TMCO5A: variants seen among roughly 807,000 people sequenced by gnomAD.
TMCO5A encodes transmembrane and coiled-coil domains 5A.
A neutral mutation model predicts 42.3 loss-of-function variants in TMCO5A; 34 were observed. The ratio of observed to expected loss-of-function variants is 0.80; its 90% CI spans 0.61 to 1.07. The LOEUF (loss-of-function observed/expected upper bound fraction) is 1.07, where lower values mean the gene tolerates loss of function less well. Ranked by LOEUF, TMCO5A falls within the 50% of genes least tolerant of loss-of-function variation. The probability of loss-of-function intolerance (pLI) is 0.00; values close to 1 mark genes in which losing one functional copy is unlikely to be tolerated. For synonymous variants in TMCO5A, 131 were observed against 115.6 expected (o/e 1.13, Z -0.86); for missense variants, 357 against 327.9 (o/e 1.09, Z -0.69).
chr15:37,937,276 G>C, intron 4 of TMCO5A, 70 bp from the exon 5 acceptor site: 1 of 1,549,018 alleles, frequency 6.5e-7, no homozygotes, highest in Non-Finnish European at 8.9e-7. Context: ...GGGTGAAATG[G>C]ACAGCAATCA....
intron 11 of TMCO5A, among the ~76,000 whole-genome samples, chr15:37,959,823 G>A (rs1890377599): frequency 6.6e-6 from 1 of 151,812 alleles, no homozygotes; most frequent in Non-Finnish European, 1.5e-5. Context: ...GGACATCCTA[G>A]CTAGAGCAAT....
chr15:37,939,526 G>C (rs892733801), intron 6 of TMCO5A, among the ~76,000 whole-genome samples: 7 of 152,032 alleles, frequency 4.6e-5, no homozygotes, highest in African/African-American at 1.4e-4. Context: ...AGCCAGAATT[G>C]AGTGGTGACA....
At chr15:37,975,149 T>C in the TMCO5A span, among the ~76,000 whole-genome samples, 1 of 152,228 alleles carries the variant, frequency 6.6e-6, no homozygotes, top group Admixed American at 6.5e-5. Flanking sequence ...AAGGATTGTT[T>C]TATGGCCAAT....
At chr15:38,012,126 A>AAAAAAAAAAAAG in the TMCO5A span, among the ~76,000 whole-genome samples, 71 of 150,484 alleles carry the variant, frequency 4.7e-4, no homozygotes, top group Middle Eastern at 3.4e-3. Flanking sequence ...TCCGTCTCAA[A>AAAAAAAAAAAAG]AAAAAAAGAA....
At chr15:37,962,083 G>C (rs1890442936) in intron 11 of TMCO5A, among the ~76,000 whole-genome samples, 1 of 152,050 alleles carries the variant, frequency 6.6e-6, no homozygotes, top group Admixed American at 6.6e-5. Context: ...ATGTTGAAGA[G>C]GAGTAGTGAG....
chr15:38,002,852 T>C, the TMCO5A span, among the ~76,000 whole-genome samples: 5 of 152,188 alleles, frequency 3.3e-5, no homozygotes, highest in African/African-American at 1.2e-4. Context: ...TTGGTACTGG[T>C]CACAGGTGCT....
At chr15:38,009,377 C>G in the TMCO5A span, among the ~76,000 whole-genome samples, 56,719 of 152,096 alleles carry the variant, frequency 0.37, 11,862 homozygotes, top group Middle Eastern at 0.51. Flanking sequence ...ACCTTCAACA[C>G]CAGAGATTGG....
At chr15:37,939,882 G>C (rs914124782) in intron 6 of TMCO5A, among the ~76,000 whole-genome samples, 1 of 152,018 alleles carries the variant, frequency 6.6e-6, no homozygotes, top group Non-Finnish European at 1.5e-5. Context: ...TGACTGAAGA[G>C]TGAACCAACT....
the TMCO5A span, among the ~76,000 whole-genome samples, chr15:37,977,450 T>A: frequency 6.6e-6 from 1 of 152,240 alleles, no homozygotes; most frequent in Non-Finnish European, 1.5e-5. Context: ...TGAATTCTTG[T>A]CCTTGGTTTC....
chr15:37,984,191 C>CT, the TMCO5A span, among the ~76,000 whole-genome samples: 5 of 148,928 alleles, frequency 3.4e-5, no homozygotes, highest in Non-Finnish European at 7.4e-5. Context: ...ATACATGAAG[C>CT]TTTTTTTAGC....
downstream of TMCO5A, among the ~76,000 whole-genome samples, chr15:37,970,617 A>G (rs879661109): frequency 6.6e-6 from 1 of 152,234 alleles, no homozygotes; most frequent in Non-Finnish European, 1.5e-5. Flanking sequence ...GGAGACAAGG[A>G]AAGTCCCTTC....
At chr15:37,983,830 T>G in the TMCO5A span, among the ~76,000 whole-genome samples, 1 of 151,956 alleles carries the variant, frequency 6.6e-6, no homozygotes, top group Non-Finnish European at 1.5e-5. Flanking sequence ...ATTCAAGTGA[T>G]TCTCCTGCCT....
the TMCO5A span, among the ~76,000 whole-genome samples, chr15:37,986,010 G>C: frequency 6.6e-6 from 1 of 151,958 alleles, no homozygotes; most frequent in African/African-American, 2.4e-5. Flanking sequence ...TTGAAAATCT[G>C]TAGAATTTTG....
At chr15:37,951,443 G>A (rs981590512), downstream of TMCO5A, 22 of 547,914 alleles carry the variant, frequency 4.0e-5, no homozygotes, top group Admixed American at 6.8e-5. Context: ...TCTGTGGATC[G>A]GCTGAATAGT....
chr15:38,007,674 T>A, the TMCO5A span, among the ~76,000 whole-genome samples: 1 of 151,940 alleles, frequency 6.6e-6, no homozygotes, highest in African/African-American at 2.4e-5. Context: ...GATAGGGAAA[T>A]GAGTAAACAA....
the TMCO5A span, among the ~76,000 whole-genome samples, chr15:38,037,902 A>T: frequency 6.6e-6 from 1 of 151,736 alleles, no homozygotes; most frequent in East Asian, 1.9e-4. Flanking sequence ...AGTCCCAGCT[A>T]CTCTGGAGGC....
At chr15:37,987,333 G>A in the TMCO5A span, among the ~76,000 whole-genome samples, 1 of 151,832 alleles carries the variant, frequency 6.6e-6, no homozygotes, top group African/African-American at 2.4e-5. Flanking sequence ...CTCTCATTTT[G>A]TGGGTTGCCT....
chr15:38,035,850 G>C, the TMCO5A span, among the ~76,000 whole-genome samples: 2 of 152,156 alleles, frequency 1.3e-5, no homozygotes, highest in African/African-American at 4.8e-5. Context: ...AGCTGCCCTA[G>C]AATGGTTTGC....
chr15:38,024,017 A>T, the TMCO5A span, among the ~76,000 whole-genome samples: 1 of 151,832 alleles, frequency 6.6e-6, no homozygotes, highest in African/African-American at 2.4e-5. Context: ...AGAGTGTGTC[A>T]ATTTTCAGAT....
Sources: gnomAD v4.1 joint callset for allele counts (sites outside exome capture counted in the v4.1 genomes callset) on GRCh38, gnomAD v4.1.1 for gene constraint, MANE v1.5 for transcripts, NCBI Gene and HGNC (gene_info 2026-07-23, HGNC 2026-07-21) for gene names.